The following PCSK6 variants were observed in gnomAD, a reference collection of about 807,000 sequenced individuals.
The protein encoded by PCSK6 is proprotein convertase subtilisin/kexin type 6.
In PCSK6, 85 loss-of-function variants were observed where a neutral mutation model predicts 123.3. The observed-to-expected ratio is 0.69, with a 90% CI of 0.58 to 0.83. PCSK6 has a LOEUF of 0.83. PCSK6 is among the 40% of genes least tolerant of loss of function. The probability of loss-of-function intolerance (pLI) is 0.00; values close to 1 mark genes in which losing one functional copy is unlikely to be tolerated. For missense variants in PCSK6, 1,191 were observed against 1,282.3 expected (o/e 0.93, Z 1.09); for synonymous variants, 508 against 516.0 (o/e 0.98, Z 0.21).
intron 9 of PCSK6, 64 bp downstream of exon 9, chr15:101,389,400 T>C (rs2042159498): frequency 7.7e-7 from 1 of 1,304,066 alleles, no homozygotes; most frequent in Non-Finnish European, 1.1e-6. Flanking sequence ...ATGGCCAATG[T>C]CATGTGTATT....
At position 101,339,978 on chromosome 15, in the gene PCSK6, T is replaced by C. The variant is rs529297958; in HGVS notation, c.1859-7947A>G. On this transcript the variant is annotated intron_variant, in intron 13 of 21. Coordinates refer to ENST00000611716, the MANE Select transcript of PCSK6 (RefSeq NM_002570.5). ...TAATTTTTTGTGTATATTGTATGTA[T>C]ATGTATACACACACAAACAGAAATA... is the stretch of plus-strand genomic sequence containing the variant. 5.3e-5 allele frequency among the ~76,000 whole-genome samples: 8 copies of C among 152,048 alleles called. No homozygotes were observed. In the South Asian group the frequency reaches 1.2e-3, roughly 24 times the overall value.
chr15:101,412,713 A>ATATATATAT (rs201205244), intron 6 of PCSK6, among the ~76,000 whole-genome samples: 4 of 112,666 alleles, frequency 3.6e-5, no homozygotes, highest in African/African-American at 5.7e-5. Flanking sequence ...ATATATATAT[A>ATATATATAT]AAATTACCCA....
chr15:101,478,793 C>A (rs2057796251), intron 1 of PCSK6, among the ~76,000 whole-genome samples: 1 of 152,126 alleles, frequency 6.6e-6, no homozygotes, highest in Non-Finnish European at 1.5e-5. Context: ...AGCAAGGTAC[C>A]AAGAGATGTC....
chr15:101,473,172 G>C (rs542332092), intron 1 of PCSK6, among the ~76,000 whole-genome samples: 13 of 151,880 alleles, frequency 8.6e-5, no homozygotes, highest in Non-Finnish European at 1.8e-4. Context: ...GACCTCCCAG[G>C]CTCAAGCAAT....
intron 11 of PCSK6, among the ~76,000 whole-genome samples, chr15:101,380,808 A>C (rs1243512355): frequency 6.6e-6 from 1 of 152,224 alleles, no homozygotes; most frequent in African/African-American, 2.4e-5. Context: ...AGAGCATCTA[A>C]AGAGAGTGAC....
In PCSK6 at chr15:101,384,404, G is replaced by A. The variant is rs768607440; in HGVS notation, c.1332C>T (p.Asp444=). Residue 444 remains aspartate (D), a synonymous_variant, in exon 10 of 22, where the codon GAC becomes GAT. Transcript: ENST00000611716. ...ATGTCTTCACTAGCAGGTGCTGGAC[G>A]TCCCTCCAGGTTAACTGGCTGCTGC... ...LEANSQLTWR[D]VQHLLVKTSR... 1.6e-5 allele frequency: 26 copies of A among 1,613,496 alleles called. No homozygotes were observed. The highest frequency in any genetic ancestry group is 1.7e-4 in the Middle Eastern group (1 of 6,054).
chr15:101,428,524 G>A (rs1405013340), intron 5 of PCSK6, among the ~76,000 whole-genome samples: 3 of 152,222 alleles, frequency 2.0e-5, no homozygotes, highest in Non-Finnish European at 4.4e-5. Context: ...AGCTGGAGCT[G>A]AGGAAGAACG....
intron 1 of PCSK6, among the ~76,000 whole-genome samples, chr15:101,468,527 A>G (rs753916518): frequency 1.2e-4 from 19 of 152,208 alleles, no homozygotes; most frequent in Non-Finnish European, 1.3e-4. Flanking sequence ...AAAATCACAG[A>G]AATCTGATGC....
At chr15:101,450,787 C>T (rs1434405211) in intron 1 of PCSK6, among the ~76,000 whole-genome samples, 2 of 152,250 alleles carry the variant, frequency 1.3e-5, no homozygotes, top group East Asian at 3.9e-4. Flanking sequence ...CGTCCCAGGA[C>T]AGCTGTGAGG....
chr15:101,406,050 T>G (rs1293976030), intron 6 of PCSK6, among the ~76,000 whole-genome samples: 1 of 152,168 alleles, frequency 6.6e-6, no homozygotes, highest in Non-Finnish European at 1.5e-5. Context: ...GCCGCCTGCT[T>G]CTAATTTATA....
chr15:101,359,005 G>A (rs2041129604), intron 13 of PCSK6, among the ~76,000 whole-genome samples: 1 of 152,182 alleles, frequency 6.6e-6, no homozygotes, highest in Admixed American at 6.5e-5. Flanking sequence ...TGTGCTTGGG[G>A]AGGATGCACA....
intron 2 of PCSK6, among the ~76,000 whole-genome samples, chr15:101,440,846 A>G (rs1446206588): frequency 6.6e-6 from 1 of 152,224 alleles, no homozygotes; most frequent in East Asian, 1.9e-4. Context: ...GACTGGGTGG[A>G]GTAAATATTA....
rs553213439 is a variant in PCSK6, at chr15:101,393,640, A to T, written c.997-216T>A. On this transcript the variant is annotated intron_variant, in intron 7 of 21. Transcript: ENST00000611716. ...TGTAGCAGCAGCCTTAAAATTGCAG[A>T]ATCACAGGATCATACGAGGGGAAGG... Among the ~76,000 whole-genome samples, 3 of 152,278 alleles carry T rather than the reference A, an allele frequency of 2.0e-5. No homozygotes were observed. The South Asian group carries it at 6.2e-4, about 32-fold the overall frequency.
intron 2 of PCSK6, among the ~76,000 whole-genome samples, chr15:101,436,527 T>C (rs1035533039): frequency 6.6e-6 from 1 of 152,184 alleles, no homozygotes; most frequent in Non-Finnish European, 1.5e-5. Flanking sequence ...GACCTGACTG[T>C]CCACCAGGGC....
rs1319132896 is a variant in PCSK6 at position 101,431,318 on chromosome 15, A to C, written c.657+2T>G. On this transcript the variant is annotated splice_donor_variant, in intron 4 of 21. Coordinates refer to ENST00000611716, the MANE Select transcript of PCSK6 (RefSeq NM_002570.5). LOFTEE classifies it high-confidence loss of function. ...GCATGTCAGTTCCGAGGATTGACTT[A>C]CATAATTTGGGGCCAGGTCAGGGTG... 6.2e-7 allele frequency: 1 copy of C among 1,613,932 alleles called. No individual in the cohort carries two copies.
intron 13 of PCSK6, among the ~76,000 whole-genome samples, chr15:101,363,922 G>A (rs2041312438): frequency 2.0e-5 from 3 of 152,146 alleles, no homozygotes; most frequent in Middle Eastern, 3.4e-3. Flanking sequence ...ACAGGCATGA[G>A]CCACCGCGCC....
At chr15:101,430,109 G>C in intron 4 of PCSK6, 46 bp from the exon 5 acceptor site, 1 of 1,478,104 alleles carries the variant, frequency 6.8e-7, no homozygotes, top group Non-Finnish European at 9.5e-7. Context: ...GCATGTGACA[G>C]CTCTGTTTGA....
At chr15:101,415,593 A>G (rs1319102532) in intron 6 of PCSK6, among the ~76,000 whole-genome samples, 2 of 152,218 alleles carry the variant, frequency 1.3e-5, no homozygotes, top group African/African-American at 2.4e-5. Flanking sequence ...TTTTTACTCA[A>G]TGAGCATAGA....
intron 5 of PCSK6, among the ~76,000 whole-genome samples, chr15:101,429,186 A>G (rs1321015808): frequency 6.6e-6 from 1 of 152,158 alleles, no homozygotes; most frequent in African/African-American, 2.4e-5. Flanking sequence ...CCCTCTAAAT[A>G]TTTTTAGAGG....
Sources: gnomAD v4.1 joint callset for allele counts (sites outside exome capture counted in the v4.1 genomes callset) on GRCh38, gnomAD v4.1.1 for gene constraint, MANE v1.5 for transcripts, NCBI Gene and HGNC (gene_info 2026-07-23, HGNC 2026-07-21) for gene names.